ROCK1: variants seen among roughly 807,000 people sequenced by gnomAD.
The protein encoded by ROCK1 is Rho associated coiled-coil containing protein kinase 1.
Under a neutral mutation model 196.8 loss-of-function variants are expected in ROCK1, and 36 were observed. The ratio of observed to expected loss-of-function variants is 0.18; its 90% CI spans 0.14 to 0.24. ROCK1 has a LOEUF of 0.24. Among genes scored for constraint, ROCK1 ranks in the 10% least tolerant of loss-of-function variants. The pLI, the probability that ROCK1 is intolerant of heterozygous loss-of-function variation, is 1.00. For missense variants in ROCK1, 920 were observed against 1,562.0 expected (o/e 0.59, Z 6.93); for synonymous variants, 443 against 515.9 (o/e 0.86, Z 1.91).
chr18:21,032,070 A>T (rs1029760311), intron 9 of ROCK1, among the ~76,000 whole-genome samples: 2 of 152,224 alleles, frequency 1.3e-5, no homozygotes, highest in Non-Finnish European at 2.9e-5. Context: ...ATAATGGCCA[A>T]ACCTTTCCAA....
chr18:21,029,289 G>C (rs1406288469), intron 9 of ROCK1, among the ~76,000 whole-genome samples: 2 of 152,028 alleles, frequency 1.3e-5, no homozygotes, highest in Non-Finnish European at 2.9e-5. Flanking sequence ...AGAAACTAAA[G>C]CATAACAAAC....
chr18:21,043,982 G>A (rs938569216), intron 6 of ROCK1, 120 bp downstream of exon 6: 5 of 610,408 alleles, frequency 8.2e-6, no homozygotes, highest in Admixed American at 6.0e-5. Flanking sequence ...ATTAATTCTG[G>A]ACAAGTCCAG....
intron 6 of ROCK1, 87 bp from the exon 7 acceptor site, chr18:21,042,796 A>G: frequency 7.8e-7 from 1 of 1,286,084 alleles, no homozygotes; most frequent in South Asian, 1.5e-5. Flanking sequence ...TACCTATGGG[A>G]CTCCAAATCT....
chr18:21,044,167 T>A lies in ROCK1; in HGVS notation c.610A>T (p.Met204Leu). 1 of 1,612,306 alleles carries A rather than the reference T, an allele frequency of 6.2e-7. No individual in the cohort carries two copies. The highest frequency in any genetic ancestry group is 1.1e-5 in the South Asian group (1 of 90,976). The change falls in exon 6 of 33, where the codon ATG becomes TTG. Residue 204 changes from methionine (M) to leucine (L), a missense_variant. Around this residue, in one of 6 missense-constraint regions of ROCK1, gnomAD observed 234 missense variants for 460.7 expected, o/e 0.51. Coordinates refer to ENST00000399799, the MANE Select transcript of ROCK1 (RefSeq NM_005406.3). The stretch of plus-strand genomic sequence containing the variant: ...AAATGTCCAGATTTATCCAGCAGCA[T>A]GTTATCAGGCTTCACATCTCTGCAG... Reference protein sequence around the residue: ...FIHRDVKPDNMLLDKSGHLKL... With the variant: ...FIHRDVKPDNLLLDKSGHLKL...
At chr18:20,980,026 GAAAT>G in intron 21 of ROCK1, 22 bp from the exon 22 acceptor site, 1 of 1,515,950 alleles carries the variant, frequency 6.6e-7, no homozygotes, top group Non-Finnish European at 8.8e-7. Flanking sequence ...GTGACAAGGA[GAAAT>G]AAGTGTTTAT....
intron 1 of ROCK1, among the ~76,000 whole-genome samples, chr18:21,089,980 G>A (rs1425497815): frequency 1.3e-5 from 2 of 152,164 alleles, no homozygotes; most frequent in South Asian, 2.1e-4. Context: ...CAAATTTGAC[G>A]AGGGGTGTTT....
chr18:21,053,318 T>C (rs768275883), intron 2 of ROCK1, among the ~76,000 whole-genome samples: 2 of 152,110 alleles, frequency 1.3e-5, no homozygotes, highest in African/African-American at 4.8e-5. Context: ...CATTTTTCTT[T>C]ATGAAGAAAT....
At chr18:21,003,973 T>C (rs1195068632) in intron 16 of ROCK1, among the ~76,000 whole-genome samples, 1 of 152,164 alleles carries the variant, frequency 6.6e-6, no homozygotes, top group Non-Finnish European at 1.5e-5. Context: ...TGCCTTTCAA[T>C]CTGAAGAATC....
chr18:20,974,213 G>A (rs1362073453), intron 22 of ROCK1, among the ~76,000 whole-genome samples: 2 of 152,188 alleles, frequency 1.3e-5, no homozygotes, highest in African/African-American at 4.8e-5. Context: ...AGGAAGCAAG[G>A]CCATTAGCTA....
chr18:21,033,854 T>TAAAAAAAAAAAAAAAAAAA lies in ROCK1; in HGVS notation c.1052-4938_1052-4920dup, dbSNP rs71269004. 3.3e-4 allele frequency among the ~76,000 whole-genome samples: 11 copies of TAAAAAAAAAAAAAAAAAAA among 33,464 alleles called. 3 individuals carry two copies. The highest frequency in any genetic ancestry group is 3.5e-3 in the South Asian group (2 of 576). The allele number at this position is 33,464 out of a possible 152,430, so 22.0% of individuals were successfully genotyped here. On this transcript the variant is annotated intron_variant, in intron 9 of 32. Coordinates refer to ENST00000399799, the MANE Select transcript of ROCK1 (RefSeq NM_005406.3). ...TAACTCAGTGAAACCCCGTTTCTAC[T>TAAAAAAAAAAAAAAAAAAA]AAAAAAAAAAAAAAAAAAAAAAAAA... is the stretch of plus-strand genomic sequence containing the variant.
rs980360473 is a variant in ROCK1 at position 20,998,027 on chromosome 18, G to C, written c.1886-5090C>G. On this transcript the variant is annotated intron_variant, in intron 16 of 32. Transcript: ENST00000399799. ...AATTTTTGTATTTTTAGTAGAGACA[G>C]GGTTTCACCATGTTGGCCAGGCTGG... Among the ~76,000 whole-genome samples, 7 of 152,158 alleles carry C rather than the reference G, an allele frequency of 4.6e-5. No homozygotes were observed. In the Middle Eastern group the frequency reaches 0.01, roughly 223 times the overall value.
At chr18:21,067,583 C>T (rs1285530223) in intron 2 of ROCK1, among the ~76,000 whole-genome samples, 3 of 152,042 alleles carry the variant, frequency 2.0e-5, no homozygotes, top group South Asian at 2.1e-4. Context: ...GATGGGGTTT[C>T]GCCATGTTGG....
chr18:20,992,125 A>G (rs1295331256), intron 17 of ROCK1, among the ~76,000 whole-genome samples: 3 of 152,170 alleles, frequency 2.0e-5, no homozygotes, highest in Non-Finnish European at 4.4e-5. Context: ...CTGTTTGGGT[A>G]CCCTTTTCTA....
intron 16 of ROCK1, among the ~76,000 whole-genome samples, chr18:20,999,276 G>T (rs1014148055): frequency 1.4e-5 from 2 of 147,866 alleles, no homozygotes; most frequent in Non-Finnish European, 3.0e-5. Flanking sequence ...CTACAAAAAG[G>T]CATTGAGTCC....
At chr18:21,080,047 TCTC>T (rs2036470204) in intron 1 of ROCK1, among the ~76,000 whole-genome samples, 1 of 152,114 alleles carries the variant, frequency 6.6e-6, no homozygotes, top group Admixed American at 6.5e-5. Context: ...ACAAAAGCGT[TCTC>T]CTTCCTTTCG....
At chr18:20,965,776 G>A (rs1174888595) in intron 27 of ROCK1, among the ~76,000 whole-genome samples, 3 of 152,132 alleles carry the variant, frequency 2.0e-5, no homozygotes, top group Admixed American at 1.3e-4. Flanking sequence ...GGAGTTCCTT[G>A]ACCACTAAAA....
intron 13 of ROCK1, among the ~76,000 whole-genome samples, chr18:21,009,679 C>T (rs1007881930): frequency 6.6e-6 from 1 of 152,128 alleles, no homozygotes; most frequent in Non-Finnish European, 1.5e-5. Flanking sequence ...TCTGCAATGT[C>T]CAAGTGATCT....
Position 21,006,344 on chromosome 18 carries a change from A to G in ROCK1, c.1885+7T>C. 6.3e-7 allele frequency: 1 copy of G among 1,596,030 alleles called. No individual in the cohort carries two copies. The highest frequency in any genetic ancestry group is 8.5e-7 in the Non-Finnish European group (1 of 1,174,360). ...GTATATTTTACCACAATAAGAAAAA[A>G]TATTACCTTGAAGGTCTCCAATCAT... On this transcript the variant is annotated splice_region_variant and intron_variant, in intron 16 of 32. Transcript: ENST00000399799.
Position 20,948,248 on chromosome 18 carries a change from G to A in ROCK1, c.*3136C>T, listed in dbSNP as rs2035148602. 6.6e-6 allele frequency: 1 copy of A among 152,088 alleles called. No individual in the cohort carries two copies. The highest frequency in any genetic ancestry group is 2.4e-5 in the African/African-American group (1 of 41,386). The allele number at this position is 152,088 out of a possible 1,614,324, so 9.4% of individuals were successfully genotyped here. A position where few individuals can be genotyped will look rare whatever the true frequency, so the allele number is the denominator to read the frequency against. On this transcript the variant is annotated 3_prime_UTR_variant, in exon 33 of 33. Coordinates refer to ENST00000399799, the MANE Select transcript of ROCK1 (RefSeq NM_005406.3). ...TTACAGTAATTAAAAGTGTGATATT[G>A]GCAAGGACACAGAAATAACACCAAT... is the stretch of plus-strand genomic sequence containing the variant.
Sources: allele counts gnomAD v4.1 joint callset (sites outside exome capture counted in the v4.1 genomes callset), GRCh38; gene constraint gnomAD v4.1.1; regional missense constraint gnomAD v4.1.1; transcripts MANE v1.5; gene names NCBI Gene and HGNC (gene_info 2026-07-23, HGNC 2026-07-21).